The following TMEM232 variants were observed in gnomAD, a reference collection of about 807,000 sequenced individuals.
TMEM232 encodes transmembrane protein 232.
In TMEM232, 80 loss-of-function variants were observed where a neutral mutation model predicts 78.8. The ratio of observed to expected loss-of-function variants is 1.01; its 90% CI spans 0.85 to 1.22. TMEM232 has a LOEUF of 1.22. Ranked by LOEUF, TMEM232 falls within the 50% of genes most tolerant of loss-of-function variation. The pLI, the probability that TMEM232 is intolerant of heterozygous loss-of-function variation, is 0.00. For synonymous variants in TMEM232, 297 were observed against 254.3 expected (o/e 1.17, Z -1.60); for missense variants, 881 against 742.2 (o/e 1.19, Z -2.17).
chr5:110,457,691 T>C (rs186270403), intron 12 of TMEM232, among the ~76,000 whole-genome samples: 1 of 152,170 alleles, frequency 6.6e-6, no homozygotes, highest in East Asian at 1.9e-4. Context: ...TTATTACCAA[T>C]ATGTACAAAA....
At chr5:110,629,795 A>G (rs1026929421) in intron 5 of TMEM232, among the ~76,000 whole-genome samples, 1 of 152,194 alleles carries the variant, frequency 6.6e-6, no homozygotes, top group Non-Finnish European at 1.5e-5. Context: ...TCTAATACAT[A>G]TAAAACTGTT....
chr5:110,704,018 A>G (rs1323233505), intron 1 of TMEM232, among the ~76,000 whole-genome samples: 1 of 152,102 alleles, frequency 6.6e-6, no homozygotes. Context: ...GGATTTCTCC[A>G]TCCTCATTCA....
At chr5:110,627,595 G>C (rs1230094799) in intron 6 of TMEM232, among the ~76,000 whole-genome samples, 186 bp downstream of exon 6, 1 of 152,042 alleles carries the variant, frequency 6.6e-6, no homozygotes, top group Non-Finnish European at 1.5e-5. Context: ...AATAACAAAA[G>C]TATGGGGGTT....
chr5:110,436,378 T>C (rs2112720706), intron 12 of TMEM232, among the ~76,000 whole-genome samples: 1 of 152,168 alleles, frequency 6.6e-6, no homozygotes, highest in East Asian at 1.9e-4. Context: ...CATGGTAGTT[T>C]GCAAATATTT....
intron 2 of TMEM232, among the ~76,000 whole-genome samples, chr5:110,665,713 A>T (rs964010836): frequency 5.3e-5 from 8 of 152,092 alleles, no homozygotes; most frequent in Non-Finnish European, 1.0e-4. Context: ...ACATATAGCC[A>T]ACCTGTATCA....
At chr5:110,564,280 G>A (rs561240485) in intron 11 of TMEM232, among the ~76,000 whole-genome samples, 5 of 151,852 alleles carry the variant, frequency 3.3e-5, no homozygotes, top group South Asian at 2.1e-4. Context: ...AAAATAAGAC[G>A]TAAGAAAAAA....
chr5:110,428,837 G>C (rs987394339), intron 12 of TMEM232, among the ~76,000 whole-genome samples: 5 of 151,010 alleles, frequency 3.3e-5, no homozygotes, highest in South Asian at 2.1e-4. Context: ...CTCCAAAGAA[G>C]GTCATATTTA....
chr5:110,631,303 A>T (rs535691406), intron 5 of TMEM232, among the ~76,000 whole-genome samples: 1 of 152,270 alleles, frequency 6.6e-6, no homozygotes, highest in South Asian at 2.1e-4. Flanking sequence ...TGAGGCTATG[A>T]GAAGAAACAC....
chr5:110,543,111 G>T (rs1035786660), intron 11 of TMEM232, among the ~76,000 whole-genome samples: 5 of 152,038 alleles, frequency 3.3e-5, no homozygotes, highest in Non-Finnish European at 5.9e-5. Flanking sequence ...AAAACACCAA[G>T]AACCTGGACA....
At chr5:110,572,662 T>A (rs951460692) in intron 10 of TMEM232, among the ~76,000 whole-genome samples, 2 of 152,108 alleles carry the variant, frequency 1.3e-5, no homozygotes, top group African/African-American at 4.8e-5. Context: ...CTGATAGTTA[T>A]GTTTTAGTAA....
At chr5:110,437,318 AAAAC>A (rs1187287335) in intron 12 of TMEM232, among the ~76,000 whole-genome samples, 4 of 152,066 alleles carry the variant, frequency 2.6e-5, no homozygotes, top group African/African-American at 9.7e-5. Context: ...ATCTGGATCT[AAAAC>A]AAAATTATAG....
At chr5:110,480,276 T>G (rs1763718696) in intron 12 of TMEM232, among the ~76,000 whole-genome samples, 2 of 151,886 alleles carry the variant, frequency 1.3e-5, no homozygotes, top group African/African-American at 4.8e-5. Flanking sequence ...ACCATTTTAT[T>G]TTTTATATTC....
chr5:110,529,346 A>C (rs1394932700), intron 11 of TMEM232, among the ~76,000 whole-genome samples: 1 of 152,032 alleles, frequency 6.6e-6, no homozygotes, highest in East Asian at 1.9e-4. Flanking sequence ...CCTGGGTTCA[A>C]CCGATTCTCC....
intron 2 of TMEM232, among the ~76,000 whole-genome samples, chr5:110,648,912 A>C (rs969441312): frequency 2.0e-5 from 3 of 152,090 alleles, no homozygotes; most frequent in Admixed American, 1.3e-4. Flanking sequence ...GAGTAGCTAC[A>C]GAAGACTAGC....
At chr5:110,509,640 T>A (rs1326663573) in intron 12 of TMEM232, among the ~76,000 whole-genome samples, 1 of 152,168 alleles carries the variant, frequency 6.6e-6, no homozygotes, top group Non-Finnish European at 1.5e-5. Flanking sequence ...GTATACAATA[T>A]TACCGCCCTT....
At chr5:110,716,715 C>CCCATAAAA (rs1203578636) in intron 1 of TMEM232, among the ~76,000 whole-genome samples, 12 of 152,124 alleles carry the variant, frequency 7.9e-5, no homozygotes, top group African/African-American at 2.9e-4. Context: ...TAGTCTGTGG[C>CCCATAAAA]CAGGGTTATG....
At chr5:110,400,919 A>G (rs1580556459) in intron 2 of TMEM232, among the ~76,000 whole-genome samples, 1 of 152,156 alleles carries the variant, frequency 6.6e-6, no homozygotes, top group African/African-American at 2.4e-5. Flanking sequence ...AATCATTAGG[A>G]TATAGATATG....
chr5:110,678,766 T>A (rs974013590), intron 1 of TMEM232, among the ~76,000 whole-genome samples: 18 of 152,178 alleles, frequency 1.2e-4, no homozygotes, highest in Non-Finnish European at 2.4e-4. Flanking sequence ...TCTTATAGTT[T>A]GAATTAAACA....
intron 1 of TMEM232, among the ~76,000 whole-genome samples, chr5:110,673,502 G>A (rs935397778): frequency 7.9e-5 from 12 of 152,012 alleles, no homozygotes; most frequent in Non-Finnish European, 1.2e-4. Flanking sequence ...AGAGGGTCAC[G>A]TAAGGTCGAT....
Sources: allele counts gnomAD v4.1 joint callset (sites outside exome capture counted in the v4.1 genomes callset), GRCh38; gene constraint gnomAD v4.1.1; transcripts MANE v1.5; gene names NCBI Gene and HGNC (gene_info 2026-07-23, HGNC 2026-07-21).